The following PSMA8 variants were observed in gnomAD, a reference collection of about 807,000 sequenced individuals.
PSMA8 encodes the protein proteasome subunit alpha-type 8.
A neutral mutation model predicts 32.4 loss-of-function variants in PSMA8; 18 were observed. The ratio of observed to expected loss-of-function variants is 0.56; its 90% CI spans 0.38 to 0.82. The LOEUF (loss-of-function observed/expected upper bound fraction) is 0.82, where lower values mean the gene tolerates loss of function less well. PSMA8 is among the 40% of genes least tolerant of loss of function. PSMA8 has a pLI of 0.00. For synonymous variants in PSMA8, 104 were observed against 98.1 expected, an observed-to-expected ratio of 1.06 and a Z score of -0.36; for missense variants, 298 against 300.7, an observed-to-expected ratio of 0.99 and a Z score of 0.07.
intron 4 of PSMA8, among the ~76,000 whole-genome samples, chr18:26,172,833 T>C (rs1336189484): frequency 6.6e-6 from 1 of 152,178 alleles, no homozygotes; most frequent in East Asian, 1.9e-4. Context: ...GTGGATATGA[T>C]GGGTCTTCTT....
Position 26,156,588 on chromosome 18 carries a change from A to G in PSMA8, c.355-1534A>G, listed in dbSNP as rs192536927. 2.0e-5 allele frequency among the ~76,000 whole-genome samples: 3 copies of G among 151,588 alleles called. No homozygotes were observed. In the East Asian group the frequency reaches 5.8e-4, roughly 29 times the overall value. Reference sequence around the variant, plus strand: ...AGACAAATACTGCATGTCCTTATTCATATGTGGACACTAAAAAAGTTGTGT... The same window carrying G: ...AGACAAATACTGCATGTCCTTATTCGTATGTGGACACTAAAAAAGTTGTGT... On this transcript the variant is annotated intron_variant, in intron 3 of 6. Transcript: ENST00000415576.
chr18:26,137,440 A>G (rs955575043), intron 1 of PSMA8, among the ~76,000 whole-genome samples: 2 of 151,754 alleles, frequency 1.3e-5, no homozygotes, highest in African/African-American at 4.9e-5. Context: ...CCTGAGTGAC[A>G]GAGTGAGAAT....
At chr18:26,174,611 C>T (rs1422490932) in intron 4 of PSMA8, among the ~76,000 whole-genome samples, 1 of 152,146 alleles carries the variant, frequency 6.6e-6, no homozygotes, top group Non-Finnish European at 1.5e-5. Context: ...ACTTAAGCCC[C>T]ACCCTGATTA....
rs2055382244 is a variant in PSMA8, at chr18:26,189,212, GAAGACATAC to G, written c.661-3104_661-3096del. Among the ~76,000 whole-genome samples, 3 of 152,182 alleles carry G rather than the reference GAAGACATAC, an allele frequency of 2.0e-5. No homozygotes were observed. The South Asian group carries it at 6.2e-4, about 32-fold the overall frequency. ...ATTTGTATGTCTTCTTTTCTCAAAA[GAAGACATAC>G]AAATGGCAAACAGGCATATAAAAAG... On this transcript the variant is annotated intron_variant, in intron 6 of 6. Coordinates refer to ENST00000415576, the MANE Select transcript of PSMA8 (RefSeq NM_001025096.2).
intron 6 of PSMA8, among the ~76,000 whole-genome samples, chr18:26,184,752 C>T (rs1043197226): frequency 1.5e-5 from 2 of 136,964 alleles, no homozygotes; most frequent in Non-Finnish European, 3.1e-5. Context: ...CCAGCATAGG[C>T]GATAGAGCAA....
intron 1 of PSMA8, chr18:26,140,148 C>T (rs2144269893): frequency 2.8e-6 from 2 of 702,974 alleles, no homozygotes; most frequent in Non-Finnish European, 5.2e-6. Context: ...AGGAAAAGTT[C>T]TTCACCAGTT....
At chr18:26,171,250 G>A (rs2055218051) in intron 4 of PSMA8, 10 of 1,538,498 alleles carry the variant, frequency 6.5e-6, no homozygotes, top group Non-Finnish European at 8.6e-6. Context: ...CCCATGTTCT[G>A]GGACACAGCG....
intron 3 of PSMA8, among the ~76,000 whole-genome samples, chr18:26,152,843 C>T (rs2144295783): frequency 6.6e-6 from 1 of 152,328 alleles, no homozygotes; most frequent in Non-Finnish European, 1.5e-5. Context: ...TGCTCTCTCT[C>T]ATCTCTCTTG....
chr18:26,156,456 A>G (rs941962718), intron 3 of PSMA8, among the ~76,000 whole-genome samples: 1 of 152,120 alleles, frequency 6.6e-6, no homozygotes, highest in African/African-American at 2.4e-5. Flanking sequence ...GTATAGATAC[A>G]CAATTGAATA....
At chr18:26,165,570 T>TC (rs1388563876) in intron 4 of PSMA8, among the ~76,000 whole-genome samples, 2 of 151,072 alleles carry the variant, frequency 1.3e-5, no homozygotes, top group African/African-American at 2.4e-5. Context: ...CAAGGGAATT[T>TC]TCCCCCCCCA....
At chr18:26,147,405 A>G (rs2055012888) in intron 2 of PSMA8, among the ~76,000 whole-genome samples, 2 of 152,146 alleles carry the variant, frequency 1.3e-5, no homozygotes, top group Non-Finnish European at 2.9e-5. Context: ...ATCTTGAGAG[A>G]AAGGCAAATA....
intron 6 of PSMA8, among the ~76,000 whole-genome samples, chr18:26,186,718 A>G (rs1378280586): frequency 1.3e-5 from 2 of 152,274 alleles, no homozygotes; most frequent in Non-Finnish European, 2.9e-5. Flanking sequence ...GTATATAAGT[A>G]GACTTCTACA....
rs556128785 is a variant in PSMA8, at chr18:26,186,121, C to T, written c.661-6198C>T. ...AAAATTAGCTGGGTGTGTTGGAGGGCACCTGTAGTCCCAGCTACTTGGGAG... is the reference window on the plus strand; with the variant it reads ...AAAATTAGCTGGGTGTGTTGGAGGGTACCTGTAGTCCCAGCTACTTGGGAG... On this transcript the variant is annotated intron_variant, in intron 6 of 6. Transcript: ENST00000415576. Among the ~76,000 whole-genome samples, 4 of 137,624 alleles carry T rather than the reference C, an allele frequency of 2.9e-5. No homozygotes were observed. In the South Asian group the frequency reaches 8.6e-4, roughly 30 times the overall value. The allele number at this position is 137,624 out of a possible 152,430, so 90.3% of individuals were successfully genotyped here.
chr18:26,177,412 C>A (rs2055272544), intron 4 of PSMA8, among the ~76,000 whole-genome samples: 1 of 152,190 alleles, frequency 6.6e-6, no homozygotes, highest in Non-Finnish European at 1.5e-5. Flanking sequence ...ACCTCCATTT[C>A]TACATCCAAG....
chr18:26,159,227 T>C (rs1438144058), intron 4 of PSMA8, among the ~76,000 whole-genome samples: 5 of 152,214 alleles, frequency 3.3e-5, no homozygotes, highest in African/African-American at 1.2e-4. Flanking sequence ...ATGGTCTTTA[T>C]GCTTGTGTTA....
At chr18:26,168,668 T>C (rs1192452384) in intron 4 of PSMA8, among the ~76,000 whole-genome samples, 1 of 128,626 alleles carries the variant, frequency 7.8e-6, no homozygotes, top group Non-Finnish European at 1.5e-5. Context: ...TAGCTGGGAC[T>C]ACAGGCATGG....
intron 4 of PSMA8, among the ~76,000 whole-genome samples, chr18:26,173,614 TG>T (rs1368477302): frequency 6.6e-6 from 1 of 151,784 alleles, no homozygotes; most frequent in African/African-American, 2.4e-5. Flanking sequence ...TGGAGTGCAA[TG>T]GCACGATCTG....
intron 6 of PSMA8, among the ~76,000 whole-genome samples, chr18:26,187,609 A>G (rs549015300): frequency 6.6e-6 from 1 of 152,284 alleles, no homozygotes; most frequent in South Asian, 2.1e-4. Flanking sequence ...GCCAATAGAA[A>G]CCAAAAAAGA....
chr18:26,178,835 T>G lies in PSMA8; in HGVS notation c.483T>G (p.Asn161Lys). Residue 161 changes from asparagine to lysine, a missense_variant, in exon 5 of 7, where the codon AAT (asparagine) becomes AAG (lysine). Coordinates refer to ENST00000415576, the MANE Select transcript of PSMA8 (RefSeq NM_001025096.2). The stretch of plus-strand genomic sequence containing the variant: ...ATTAACTTTTATTTTTCAAGGCAAA[T>G]GCAATAGGCCGAAGTGCTAAAACTG... ...PSGTYHAWKA[N>K]AIGRSAKTVR... The G allele has an allele frequency of 3.1e-6, 5 of 1,607,776 alleles. No homozygotes were observed. Among genetic ancestry groups the G allele is most frequent in the Non-Finnish European group, 4.2e-6 (5 of 1,178,276 alleles).
Sources: allele counts gnomAD v4.1 joint callset (sites outside exome capture counted in the v4.1 genomes callset), GRCh38; gene constraint gnomAD v4.1.1; transcripts MANE v1.5; gene names NCBI Gene and HGNC (gene_info 2026-07-23, HGNC 2026-07-21).